CAMK1D: variants seen among roughly 807,000 people sequenced by gnomAD.
CAMK1D encodes calcium/calmodulin-dependent protein kinase type 1D.
A neutral mutation model predicts 47.7 loss-of-function variants in CAMK1D; 9 were observed. That is an observed-to-expected ratio of 0.19 (90% CI 0.11 to 0.33). The LOEUF (loss-of-function observed/expected upper bound fraction) is 0.33, where lower values mean the gene tolerates loss of function less well. CAMK1D is among the 10% of genes least tolerant of loss of function. The pLI is 1.00. For missense variants in CAMK1D, 291 were observed against 488.7 expected, an observed-to-expected ratio of 0.60 and a Z score of 3.81; for synonymous variants, 184 against 184.9, an observed-to-expected ratio of 0.99 and a Z score of 0.04.
intron 1 of CAMK1D, among the ~76,000 whole-genome samples, chr10:12,504,764 C>T (rs749514254): frequency 6.6e-5 from 10 of 152,200 alleles, no homozygotes; most frequent in South Asian, 2.1e-4. Flanking sequence ...TACTACCTCC[C>T]GGGACGGTGA....
At chr10:12,559,457 C>T (rs2132286686) in intron 2 of CAMK1D, among the ~76,000 whole-genome samples, 1 of 152,288 alleles carries the variant, frequency 6.6e-6, no homozygotes, top group East Asian at 1.9e-4. Context: ...AGAACAACCA[C>T]TCTCCAGCCC....
chr10:12,693,134 C>T (rs562093662), intron 3 of CAMK1D, among the ~76,000 whole-genome samples: 2 of 152,150 alleles, frequency 1.3e-5, no homozygotes, highest in African/African-American at 2.4e-5. Flanking sequence ...GAGGCCAAGG[C>T]GGGTAGGTCA....
At chr10:12,670,993 A>G (rs1789630382) in intron 3 of CAMK1D, among the ~76,000 whole-genome samples, 1 of 152,136 alleles carries the variant, frequency 6.6e-6, no homozygotes, top group Admixed American at 6.5e-5. Context: ...GCAACTACTT[A>G]TCTTTGGTCC....
chr10:12,465,408 G>C (rs868384314), intron 1 of CAMK1D, among the ~76,000 whole-genome samples: 1 of 152,210 alleles, frequency 6.6e-6, no homozygotes, highest in Non-Finnish European at 1.5e-5. Context: ...AGGCTGGAGT[G>C]CAGTGGTGTG....
chr10:12,674,877 C>T (rs1840752545), intron 3 of CAMK1D, among the ~76,000 whole-genome samples: 1 of 151,446 alleles, frequency 6.6e-6, no homozygotes, highest in Non-Finnish European at 1.5e-5. Context: ...ACTAAAAATA[C>T]AAAAATTAGC....
chr10:12,794,993 G>A (rs1838133956), intron 6 of CAMK1D, among the ~76,000 whole-genome samples: 1 of 152,116 alleles, frequency 6.6e-6, no homozygotes, highest in South Asian at 2.1e-4. Flanking sequence ...TTCACCCTTT[G>A]CACGGTGCCT....
chr10:12,588,554 C>T (rs1451966481), intron 2 of CAMK1D, among the ~76,000 whole-genome samples: 2 of 151,906 alleles, frequency 1.3e-5, no homozygotes, highest in African/African-American at 2.4e-5. Context: ...TGACCTGGAG[C>T]CTTGGTCTCC....
Position 12,835,103 on chromosome 10 carries a change from G to C in CAMK1D, c.*6216G>C, listed in dbSNP as rs910337043. 2.0e-5 allele frequency: 3 copies of C among 152,188 alleles called. No individual in the cohort carries two copies. The highest frequency in any genetic ancestry group is 2.9e-5 in the Non-Finnish European group (2 of 68,032). 9.4% of individuals were successfully genotyped at this position (152,188 alleles called of 1,614,324 possible). On this transcript the variant is annotated 3_prime_UTR_variant, in exon 11 of 11. Transcript: ENST00000619168. ...CAGAGAACATTTATCTTAGTCCCAC[G>C]TTCAGGTGAGAAGACCTCAAAGGTA...
intron 3 of CAMK1D, among the ~76,000 whole-genome samples, chr10:12,667,240 A>G (rs1840463145): frequency 6.6e-6 from 1 of 152,242 alleles, no homozygotes; most frequent in Non-Finnish European, 1.5e-5. Context: ...GTAACTGTGT[A>G]TACCCGTTTC....
At chr10:12,684,106 C>G (rs960883081) in intron 3 of CAMK1D, among the ~76,000 whole-genome samples, 2 of 152,192 alleles carry the variant, frequency 1.3e-5, no homozygotes, top group Non-Finnish European at 2.9e-5. Flanking sequence ...CTAGTATACA[C>G]TTGCTACAGA....
chr10:12,467,742 G>A (rs1366006460), intron 1 of CAMK1D, among the ~76,000 whole-genome samples: 2 of 152,158 alleles, frequency 1.3e-5, no homozygotes, highest in Non-Finnish European at 2.9e-5. Context: ...TGAATAAATG[G>A]GCTGCAGAAG....
At chr10:12,490,004 C>G (rs1245075170) in intron 1 of CAMK1D, among the ~76,000 whole-genome samples, 1 of 152,214 alleles carries the variant, frequency 6.6e-6, no homozygotes, top group African/African-American at 2.4e-5. Context: ...GGGGCAGGCA[C>G]ACTCACGGGT....
intron 1 of CAMK1D, among the ~76,000 whole-genome samples, chr10:12,374,258 C>CAAAA (rs56312810): frequency 1.4e-4 from 13 of 91,688 alleles, no homozygotes; most frequent in East Asian, 3.3e-4. Context: ...GACTCTGTCT[C>CAAAA]AAAAAAAAAA....
chr10:12,599,277 A>C (rs1369804356), intron 2 of CAMK1D, among the ~76,000 whole-genome samples: 2 of 152,262 alleles, frequency 1.3e-5, no homozygotes. Context: ...GCTGCATCTT[A>C]TTTTGAGAGT....
At chr10:12,721,226 T>G (rs1834360235) in intron 3 of CAMK1D, among the ~76,000 whole-genome samples, 1 of 152,254 alleles carries the variant, frequency 6.6e-6, no homozygotes, top group Non-Finnish European at 1.5e-5. Context: ...ACATTTCAAT[T>G]ACTCGATAAG....
chr10:12,815,494 A>G (rs979412875), intron 7 of CAMK1D, among the ~76,000 whole-genome samples: 4 of 152,238 alleles, frequency 2.6e-5, no homozygotes, highest in African/African-American at 9.6e-5. Flanking sequence ...GGCTCGCGGG[A>G]AAGAGCCACA....
At chr10:12,609,173 G>A (rs918232038) in intron 2 of CAMK1D, among the ~76,000 whole-genome samples, 7 of 152,242 alleles carry the variant, frequency 4.6e-5, no homozygotes, top group African/African-American at 1.7e-4. Flanking sequence ...CCTGGAGGAA[G>A]TCATGACCCA....
chr10:12,580,546 A>C (rs1462365149), intron 2 of CAMK1D, among the ~76,000 whole-genome samples: 5 of 152,180 alleles, frequency 3.3e-5, no homozygotes, highest in Non-Finnish European at 4.4e-5. Context: ...CTCTTCAAAC[A>C]GGACTTATTA....
At chr10:12,750,425 G>A (rs1033542371) in intron 3 of CAMK1D, among the ~76,000 whole-genome samples, 1 of 152,138 alleles carries the variant, frequency 6.6e-6, no homozygotes, top group Non-Finnish European at 1.5e-5. Context: ...TGTAACCTTC[G>A]ATTGCAGAGG....
Sources: allele counts gnomAD v4.1 joint callset (sites outside exome capture counted in the v4.1 genomes callset), GRCh38; gene constraint gnomAD v4.1.1; transcripts MANE v1.5; gene names NCBI Gene and HGNC (gene_info 2026-07-23, HGNC 2026-07-21).